DHRSX: variants seen among roughly 807,000 people sequenced by gnomAD.
DHRSX encodes the protein polyprenol dehydrogenase.
DHRSX carries 31 observed loss-of-function variants against 34.0 expected under a neutral mutation model. The observed-to-expected ratio is 0.91, with a 90% CI of 0.69 to 1.23. The LOEUF (loss-of-function observed/expected upper bound fraction) is 1.23, where lower values mean the gene tolerates loss of function less well. Among genes scored for constraint, DHRSX ranks in the 50% most tolerant of loss-of-function variants. DHRSX has a pLI of 0.00. For synonymous variants in DHRSX, 201 were observed against 183.8 expected (o/e 1.09, Z -0.76); for missense variants, 414 against 428.1 (o/e 0.97, Z 0.29).
intron 3 of DHRSX, among the ~76,000 whole-genome samples, chrX:2,349,849 T>G (rs761979225): frequency 6.8e-6 from 1 of 146,794 alleles, no homozygotes; most frequent in South Asian, 2.2e-4. Flanking sequence ...CCATCCTGGC[T>G]AACAGGGTGA....
At chrX:2,332,730 G>A (rs377584472) in intron 3 of DHRSX, among the ~76,000 whole-genome samples, 5 of 152,102 alleles carry the variant, frequency 3.3e-5, no homozygotes, top group South Asian at 2.1e-4. Flanking sequence ...AAGAATCTTC[G>A]ACAAGAAGAT....
At chrX:2,366,023 T>C (rs1322407699) in intron 3 of DHRSX, among the ~76,000 whole-genome samples, 2 of 152,198 alleles carry the variant, frequency 1.3e-5, no homozygotes, top group Non-Finnish European at 2.9e-5. Flanking sequence ...GCCCAATGTC[T>C]TTCCCGAATG....
chrX:2,231,973 TTC>T (rs1339271931), intron 6 of DHRSX, among the ~76,000 whole-genome samples: 1 of 144,654 alleles, frequency 6.9e-6, no homozygotes, highest in Non-Finnish European at 1.5e-5. Context: ...CTGCCCTTCT[TTC>T]CTTTTCTCTA....
At chrX:2,315,423 G>C (rs190432358) in intron 3 of DHRSX, among the ~76,000 whole-genome samples, 2,198 of 152,228 alleles carry the variant, frequency 0.014, 61 homozygotes, top group African/African-American at 0.048. Flanking sequence ...AACAGACTTA[G>C]ACTAAGGTGT....
chrX:2,327,127 A>T (rs767488117), intron 3 of DHRSX, among the ~76,000 whole-genome samples: 1 of 152,174 alleles, frequency 6.6e-6, no homozygotes, highest in Non-Finnish European at 1.5e-5. Context: ...TTCAGTTTCT[A>T]TTAGCTTTCA....
intron 2 of DHRSX, among the ~76,000 whole-genome samples, chrX:2,411,609 C>G (rs1440577208): frequency 6.8e-6 from 1 of 146,814 alleles, no homozygotes; most frequent in Non-Finnish European, 1.5e-5. Context: ...CACCTGTAAT[C>G]CCAGCTACTC....
Position 2,300,207 on chromosome X carries a change from G to A in DHRSX, c.287-8604C>T, listed in dbSNP as rs761229584. ...TGAATAGTGCCTTCATTTTTTCTTTGCAATAGATATAGGACATCGTTATAG... is the reference window on the plus strand; with the variant it reads ...TGAATAGTGCCTTCATTTTTTCTTTACAATAGATATAGGACATCGTTATAG... On this transcript the variant is annotated intron_variant, in intron 3 of 6. Coordinates refer to ENST00000334651, the MANE Select transcript of DHRSX (RefSeq NM_145177.3). Among the ~76,000 whole-genome samples, 36 of 152,036 alleles carry A rather than the reference G, an allele frequency of 2.4e-4. No homozygotes were observed. The South Asian group carries it at 7.3e-3, about 31-fold the overall frequency.
intron 3 of DHRSX, among the ~76,000 whole-genome samples, chrX:2,303,714 G>A (rs1157420467): frequency 6.6e-6 from 1 of 151,686 alleles, no homozygotes; most frequent in Admixed American, 6.6e-5. Context: ...ATGGGTGGAA[G>A]GATGGGTAGA....
chrX:2,247,655 C>CAAAAA (rs752111695), intron 5 of DHRSX, among the ~76,000 whole-genome samples: 5 of 96,944 alleles, frequency 5.2e-5, no homozygotes, highest in Admixed American at 1.1e-4. Context: ...CTCCGTCTCA[C>CAAAAA]AAAAAAAAAA....
intron 3 of DHRSX, among the ~76,000 whole-genome samples, chrX:2,360,136 G>A (rs1387343958): frequency 6.6e-6 from 1 of 151,970 alleles, no homozygotes; most frequent in Non-Finnish European, 1.5e-5. Flanking sequence ...GGGTGATGAG[G>A]CATGAAGCTT....
chrX:2,475,914 A>G (rs1246463952), intron 1 of DHRSX, among the ~76,000 whole-genome samples: 9 of 152,204 alleles, frequency 5.9e-5, no homozygotes, highest in Non-Finnish European at 1.0e-4. Flanking sequence ...AGTAATTACC[A>G]AGACATAATT....
Position 2,272,794 on chromosome X carries a change from C to A in DHRSX, c.389-5847G>T, listed in dbSNP as rs139197584. On this transcript the variant is annotated intron_variant, in intron 4 of 6. Transcript: ENST00000334651. ...AGATAAAGTCAGCCCCAGCTGCAGC[C>A]CCACAGGAGACCCCCCAGGCAGAAC... is the stretch of plus-strand genomic sequence containing the variant. 2.0e-5 allele frequency among the ~76,000 whole-genome samples: 3 copies of A among 152,252 alleles called. No individual in the cohort carries two copies. The East Asian group carries it at 5.8e-4, about 29-fold the overall frequency.
intron 1 of DHRSX, among the ~76,000 whole-genome samples, chrX:2,499,557 G>A (rs1222949438): frequency 5.9e-5 from 9 of 152,134 alleles, no homozygotes; most frequent in Non-Finnish European, 8.8e-5. Flanking sequence ...GATTGCTGCA[G>A]GCCAGGGGTT....
intron 3 of DHRSX, among the ~76,000 whole-genome samples, chrX:2,307,501 C>A (rs1477860814): frequency 6.6e-6 from 1 of 152,026 alleles, no homozygotes; most frequent in African/African-American, 2.4e-5. Context: ...GGGTGGCTCA[C>A]GCCTGTAATC....
At chrX:2,323,299 C>T (rs2042335757) in intron 3 of DHRSX, among the ~76,000 whole-genome samples, 1 of 152,144 alleles carries the variant, frequency 6.6e-6, no homozygotes, top group Admixed American at 6.6e-5. Context: ...AGGGTGAATA[C>T]ATCTCCAAAT....
At chrX:2,398,929 T>TGCAAGCTCCCC (rs2043448436) in intron 3 of DHRSX, among the ~76,000 whole-genome samples, 1 of 152,156 alleles carries the variant, frequency 6.6e-6, no homozygotes, top group African/African-American at 2.4e-5. Flanking sequence ...CTCGGCTCAC[T>TGCAAGCTCCCC]GCAAGCTCCC....
At chrX:2,433,317 C>T (rs1359266389) in intron 1 of DHRSX, among the ~76,000 whole-genome samples, 1 of 152,060 alleles carries the variant, frequency 6.6e-6, no homozygotes, top group Non-Finnish European at 1.5e-5. Context: ...ACAGAACAGG[C>T]TCAAATGGCC....
chrX:2,491,594 T>C (rs1189759812), intron 1 of DHRSX, among the ~76,000 whole-genome samples: 1 of 152,188 alleles, frequency 6.6e-6, no homozygotes, highest in African/African-American at 2.4e-5. Flanking sequence ...AGGACCTCCA[T>C]CTGACTAAAG....
chrX:2,371,233 C>CCATTA (rs2043056101), intron 3 of DHRSX, among the ~76,000 whole-genome samples: 1 of 75,708 alleles, frequency 1.3e-5, no homozygotes, highest in Non-Finnish European at 5.0e-5. Context: ...GTAGTCCCTC[C>CCATTA]CCATTACCAT....
Sources: gnomAD v4.1 joint callset for allele counts (sites outside exome capture counted in the v4.1 genomes callset) on GRCh38, gnomAD v4.1.1 for gene constraint, MANE v1.5 for transcripts, NCBI Gene and HGNC (gene_info 2026-07-23, HGNC 2026-07-21) for gene names.